The following ZNF609 variants were observed in gnomAD, a reference collection of about 807,000 sequenced individuals.
ZNF609 encodes the protein zinc finger protein 609.
ZNF609 carries 11 observed loss-of-function variants against 109.5 expected under a neutral mutation model. That is an observed-to-expected ratio of 0.10 (90% CI 0.06 to 0.17). The LOEUF (loss-of-function observed/expected upper bound fraction) is 0.17, where lower values mean the gene tolerates loss of function less well. Ranked by LOEUF, ZNF609 falls within the 10% of genes least tolerant of loss-of-function variation. The pLI is 1.00. For synonymous variants in ZNF609, 646 were observed against 662.0 expected (o/e 0.98, Z 0.37); for missense variants, 1,559 against 1,772.4 (o/e 0.88, Z 2.16).
intron 5 of ZNF609, among the ~76,000 whole-genome samples, chr15:64,677,044 G>A (rs898004391): frequency 2.6e-5 from 4 of 151,620 alleles, no homozygotes; most frequent in Non-Finnish European, 1.5e-5. Flanking sequence ...GAGCCACTGC[G>A]CCCAGTCGTA....
At chr15:64,575,346 C>T (rs1894932975) in intron 2 of ZNF609, among the ~76,000 whole-genome samples, 1 of 151,924 alleles carries the variant, frequency 6.6e-6, no homozygotes, top group Admixed American at 6.6e-5. Flanking sequence ...ATCACTTGAA[C>T]CTGGGAGGCG....
At chr15:64,521,084 C>T (rs1893884450) in intron 2 of ZNF609, among the ~76,000 whole-genome samples, 1 of 152,118 alleles carries the variant, frequency 6.6e-6, no homozygotes. Flanking sequence ...GTTGACTACC[C>T]CCTGAGAATG....
At chr15:64,586,043 G>A (rs1322412866) in intron 2 of ZNF609, among the ~76,000 whole-genome samples, 2 of 151,944 alleles carry the variant, frequency 1.3e-5, no homozygotes, top group East Asian at 1.9e-4. Context: ...GGATCTTGCC[G>A]GCCGGGTGCG....
At position 64,489,352 on chromosome 15, in the gene ZNF609, A is replaced by G. The variant is rs548282348; in HGVS notation, c.-127-9941A>G. Among the ~76,000 whole-genome samples, 22 of 148,738 alleles carry G rather than the reference A, an allele frequency of 1.5e-4. No individual in the cohort carries two copies. The East Asian group carries it at 4.2e-3, about 28-fold the overall frequency. On this transcript the variant is annotated intron_variant, in intron 1 of 9. Transcript: ENST00000326648. ...AGGCACCTGCCACCGCGCCCGGCTAATTTTTTTTTAGTAGAGACAGGGTTT... is the reference window on the plus strand; with the variant it reads ...AGGCACCTGCCACCGCGCCCGGCTAGTTTTTTTTTAGTAGAGACAGGGTTT...
chr15:64,674,957 C>T lies in ZNF609; in HGVS notation c.2103C>T (p.Leu701=). 1.2e-6 allele frequency: 2 copies of T among 1,614,104 alleles called. No homozygotes were observed. The highest frequency in any genetic ancestry group is 1.7e-6 in the Non-Finnish European group (2 of 1,180,040). ...VAQAMPNSPQ[L]KPIQPKPTVM... Reference sequence around the variant, plus strand: ...AAGCCATGCCCAACAGTCCCCAACTCAAGCCCATTCAGCCCAAGCCCACTG... The same window carrying T: ...AAGCCATGCCCAACAGTCCCCAACTTAAGCCCATTCAGCCCAAGCCCACTG... The change falls in exon 5 of 10, where the codon CTC becomes CTT. Residue 701 remains leucine, a synonymous_variant. Transcript: ENST00000326648.
At chr15:64,535,640 A>G (rs1316270361) in intron 2 of ZNF609, among the ~76,000 whole-genome samples, 4 of 152,214 alleles carry the variant, frequency 2.6e-5, no homozygotes, top group Non-Finnish European at 5.9e-5. Flanking sequence ...CTCTGGGACA[A>G]GTGCCCAAGA....
In ZNF609 at chr15:64,680,721, G is replaced by A. The variant is rs373171885; in HGVS notation, c.4021G>A (p.Val1341Ile). 263 of 1,612,978 alleles carry A rather than the reference G, an allele frequency of 1.6e-4. No individual in the cohort carries two copies. The highest frequency in any genetic ancestry group is 2.0e-4 in the Non-Finnish European group (237 of 1,179,892). Residue 1341 changes from valine (V) to isoleucine (I), a missense_variant, in exon 8 of 10, where the codon GTC (valine) becomes ATC (isoleucine). Around this residue, in one of 4 missense-constraint regions of ZNF609, gnomAD observed 1,204 missense variants for 1,314.1 expected, o/e 0.92. Transcript: ENST00000326648. ...TGGGGGTGGTGGCAGCTGTAGCAGC[G>A]TCGGGGGAGCAAGTGGGGGTGAACG... ...VVGGGGSCSSVGGASGGERSV... is the reference protein window; with the variant it reads ...VVGGGGSCSSIGGASGGERSV...
chr15:64,507,895 A>G (rs1017886962), intron 2 of ZNF609, among the ~76,000 whole-genome samples: 1 of 152,190 alleles, frequency 6.6e-6, no homozygotes, highest in African/African-American at 2.4e-5. Flanking sequence ...TTTAAAATAT[A>G]TTTCTCTCGG....
intron 2 of ZNF609, among the ~76,000 whole-genome samples, chr15:64,528,478 C>G (rs1894005403): frequency 6.6e-6 from 1 of 151,250 alleles, no homozygotes; most frequent in Non-Finnish European, 1.5e-5. Flanking sequence ...TGGCTGAGCA[C>G]AAGGCACTTT....
chr15:64,642,383 C>T (rs1412416716), intron 3 of ZNF609, among the ~76,000 whole-genome samples: 1 of 152,024 alleles, frequency 6.6e-6, no homozygotes, highest in African/African-American at 2.4e-5. Context: ...CTAGGTCTCG[C>T]TGTGTTGACC....
intron 1 of ZNF609, among the ~76,000 whole-genome samples, chr15:64,494,251 T>C (rs991367668): frequency 6.6e-6 from 1 of 152,020 alleles, no homozygotes; most frequent in Non-Finnish European, 1.5e-5. Flanking sequence ...TTAATAGAAT[T>C]ATAAATTTGA....
intron 2 of ZNF609, among the ~76,000 whole-genome samples, chr15:64,519,575 A>G (rs1395938275): frequency 6.6e-6 from 1 of 152,180 alleles, no homozygotes; most frequent in Non-Finnish European, 1.5e-5. Flanking sequence ...AATTGGTTTT[A>G]TTGGATTGAG....
intron 2 of ZNF609, among the ~76,000 whole-genome samples, chr15:64,602,033 G>GTCTT (rs1895505330): frequency 6.6e-6 from 1 of 152,096 alleles, no homozygotes. Flanking sequence ...CTTCAAAGGA[G>GTCTT]TGTTATGAGA....
rs750868178 is a variant in ZNF609, at chr15:64,678,435, ACCC to A, written c.3724_3726del (p.Pro1242del). ...TACAGTCAGTCCTACGACCCCAACC[ACCC>A]CAGCTACCGGAGCATGCCTGCTGTG... On this transcript the variant is annotated inframe_deletion, in exon 6 of 10. Transcript: ENST00000326648. 2 of 1,605,982 alleles carry A rather than the reference ACCC, an allele frequency of 1.2e-6. No individual in the cohort carries two copies. The highest frequency in any genetic ancestry group is 2.2e-5 in the South Asian group (2 of 89,666).
chr15:64,597,708 C>T (rs1895420712), intron 2 of ZNF609, among the ~76,000 whole-genome samples: 1 of 152,122 alleles, frequency 6.6e-6, no homozygotes, highest in African/African-American at 2.4e-5. Context: ...TTCTAGACAA[C>T]CAGAATCAAA....
At chr15:64,669,563 A>AT (rs1431372818) in intron 3 of ZNF609, among the ~76,000 whole-genome samples, 1 of 152,182 alleles carries the variant, frequency 6.6e-6, no homozygotes, top group African/African-American at 2.4e-5. Flanking sequence ...GGGACACTTC[A>AT]TTTTATATTA....
At chr15:64,589,717 C>T (rs1595730015) in intron 2 of ZNF609, among the ~76,000 whole-genome samples, 1 of 152,274 alleles carries the variant, frequency 6.6e-6, no homozygotes, top group Non-Finnish European at 1.5e-5. Flanking sequence ...TTTACTTCTT[C>T]CTAAAGTAGT....
chr15:64,482,972 T>C (rs1172297445), intron 1 of ZNF609, among the ~76,000 whole-genome samples: 1 of 152,214 alleles, frequency 6.6e-6, no homozygotes, highest in Middle Eastern at 3.2e-3. Flanking sequence ...TGAAAAGATA[T>C]GCACAAATCT....
rs1555413020 is a variant in ZNF609 at position 64,460,602 on chromosome 15, C to CGGCGGT, written c.-358_-353dup. On this transcript the variant is annotated 5_prime_UTR_variant, in exon 1 of 10. Coordinates refer to ENST00000326648, the MANE Select transcript of ZNF609 (RefSeq NM_015042.2). ...TGGTTGTCCCGGATCGCGGCGGCGG[C>CGGCGGT]GGCGGTGGCGGCGGCTGAGGGACCC... The CGGCGGT allele has an allele frequency of 2.5e-5, 4 of 161,420 alleles. 1 individual carries two copies. Among genetic ancestry groups the CGGCGGT allele is most frequent in the Non-Finnish European group, 4.0e-5 (3 of 75,652 alleles). The allele number at this position is 161,420 out of a possible 1,614,324, so 10.0% of individuals were successfully genotyped here. A position where few individuals can be genotyped will look rare whatever the true frequency, so the allele number is the denominator to read the frequency against.
Sources: allele counts gnomAD v4.1 joint callset (sites outside exome capture counted in the v4.1 genomes callset), GRCh38; gene constraint gnomAD v4.1.1; regional missense constraint gnomAD v4.1.1; transcripts MANE v1.5; gene names NCBI Gene and HGNC (gene_info 2026-07-23, HGNC 2026-07-21).